Variants in HELB observed in about 807,000 individuals in gnomAD.
The protein encoded by HELB is DNA helicase B.
Under a neutral mutation model 101.7 loss-of-function variants are expected in HELB, and 96 were observed. That is an observed-to-expected ratio of 0.94 (90% CI 0.80 to 1.12). The LOEUF is 1.12. Ranked by LOEUF, HELB falls within the 50% of genes most tolerant of loss-of-function variation. The pLI, the probability that HELB is intolerant of heterozygous loss-of-function variation, is 0.00. For synonymous variants in HELB, 437 were observed against 459.7 expected (o/e 0.95, Z 0.63); for missense variants, 1,210 against 1,291.9 (o/e 0.94, Z 0.97).
rs759087871 is a variant in HELB, at chr12:66,302,577, G to A, written c.-27G>A. Reference sequence around the variant, plus strand: ...ATGCAGTTAGCCAGGGTTTTCCCGAGTTGTTTGGGTTGAGTTCAGGAGAAG... The same window carrying A: ...ATGCAGTTAGCCAGGGTTTTCCCGAATTGTTTGGGTTGAGTTCAGGAGAAG... On this transcript the variant is annotated 5_prime_UTR_variant, in exon 1 of 13. Coordinates refer to ENST00000247815, the MANE Select transcript of HELB (RefSeq NM_001370285.1). The A allele has an allele frequency of 6.2e-7, 1 of 1,603,364 alleles. No homozygotes were observed.
In HELB at chr12:66,321,957, C is replaced by T. The variant is rs1471790195; in HGVS notation, c.2165C>T (p.Ser722Phe). 3.6e-6 allele frequency: 4 copies of T among 1,113,396 alleles called. No individual in the cohort carries two copies. The African/African-American group carries it at 6.2e-5, about 17-fold the overall frequency. 69.0% of individuals were successfully genotyped at this position (1,113,396 alleles called of 1,614,324 possible). A position where few individuals can be genotyped will look rare whatever the true frequency, so the allele number is the denominator to read the frequency against. ...SKTNHHSCLY[S>F]AVKTLLQENN... Reference sequence around the variant, plus strand: ...TCTCTTGAATTATTAGGTTTATATTCTGCAGTTAAAACTTTACTACAAGAA... The same window carrying T: ...TCTCTTGAATTATTAGGTTTATATTTTGCAGTTAAAACTTTACTACAAGAA... The change falls in exon 8 of 13, where the codon TCT becomes TTT. Residue 722 changes from serine to phenylalanine, a missense_variant. Ser to Phe is a radical substitution (Grantham distance 155, BLOSUM62 -2). Coordinates refer to ENST00000247815, the MANE Select transcript of HELB (RefSeq NM_001370285.1).
At chr12:66,334,446 A>C (rs1403714913) in intron 12 of HELB, among the ~76,000 whole-genome samples, 1 of 146,802 alleles carries the variant, frequency 6.8e-6, no homozygotes, top group African/African-American at 2.5e-5. Flanking sequence ...TGGGTGACAG[A>C]CCAAAACCCT....
In HELB at chr12:66,309,952, G is replaced by T; in HGVS notation, c.1024G>T (p.Gly342Cys). Residue 342 changes from glycine to cysteine, a missense_variant, in exon 4 of 13, where the codon GGT (glycine) becomes TGT (cysteine). By Grantham distance (159) the Gly-to-Cys change is radical (BLOSUM62 -3). This residue lies in a region of HELB where 470 missense variants were observed against 563.1 expected (regional missense o/e 0.83). Transcript: ENST00000247815. ...GTCTCTGAAGTTTTTGAAGGATATT[G>T]GTGTGGTGACATATGAGAAGTCCTG... ...SESLKFLKDI[G>C]VVTYEKSCVF... 1 of 1,614,168 alleles carries T rather than the reference G, an allele frequency of 6.2e-7. No individual in the cohort carries two copies. The highest frequency in any genetic ancestry group is 8.5e-7 in the Non-Finnish European group (1 of 1,180,020).
Position 66,331,561 on chromosome 12 carries a change from T to G in HELB, c.3078T>G (p.Asp1026Glu). 1 of 1,613,926 alleles carries G rather than the reference T, an allele frequency of 6.2e-7. No individual in the cohort carries two copies. The highest frequency in any genetic ancestry group is 8.5e-7 in the Non-Finnish European group (1 of 1,180,032). ...AATTATCTTCACCTGATGGAGTAGATACAGATGATGATTTACCAAAATCGC... is the reference window on the plus strand; with the variant it reads ...AATTATCTTCACCTGATGGAGTAGAGACAGATGATGATTTACCAAAATCGC... ...RWQLSSPDGVDTDDDLPKSRA... is the reference protein window; with the variant it reads ...RWQLSSPDGVETDDDLPKSRA... The change falls in exon 12 of 13, where the codon GAT becomes GAG. Residue 1026 changes from aspartate (D) to glutamate (E), a missense_variant. Around this residue, in one of 2 missense-constraint regions of HELB, gnomAD observed 740 missense variants for 728.8 expected, o/e 1.02. Transcript: ENST00000247815.
chr12:66,323,979 C>T lies in HELB; in HGVS notation c.2298-4C>T, dbSNP rs770228421. The stretch of plus-strand genomic sequence containing the variant: ...TGATTATATATTATCATTTTCTATC[C>T]CAGAGACCATCAGAGTAGACTTGTT... On this transcript the variant is annotated splice_polypyrimidine_tract_variant and splice_region_variant and intron_variant, in intron 9 of 12. Coordinates refer to ENST00000247815, the MANE Select transcript of HELB (RefSeq NM_001370285.1). 2.1e-5 allele frequency: 34 copies of T among 1,589,264 alleles called. No homozygotes were observed. In the East Asian group the frequency reaches 7.4e-4, roughly 35 times the overall value.
chr12:66,304,804 GAGAGTGAAGGT>G lies in HELB; in HGVS notation c.263_273del (p.Arg88ThrfsTer26). The G allele has an allele frequency of 6.2e-7, 1 of 1,614,102 alleles. No individual in the cohort carries two copies. Among genetic ancestry groups the G allele is most frequent in the Admixed American group, 1.7e-5 (1 of 60,022 alleles). ...GTTTTCCGATAACAGGTGCTTGGTG[GAGAGTGAAGGT>G]ACAAGTAAAGCCTGTGGTGGGATCA... On this transcript the variant is annotated frameshift_variant, in exon 2 of 13. Coordinates refer to ENST00000247815, the MANE Select transcript of HELB (RefSeq NM_001370285.1). LOFTEE classifies it high-confidence loss of function.
At chr12:66,324,256 T>C (rs769719801) in intron 10 of HELB, 45 bp downstream of exon 10, 1 of 1,253,916 alleles carries the variant, frequency 8.0e-7, no homozygotes, top group Non-Finnish European at 1.2e-6. Flanking sequence ...ATTAGAGATA[T>C]GTTTGGTTAT....
downstream of HELB, chr12:66,339,447 A>G (rs984543937): frequency 1.3e-5 from 2 of 151,702 alleles, no homozygotes; most frequent in Non-Finnish European, 2.9e-5. Flanking sequence ...AACCTGGAAC[A>G]TTTTCATACC....
rs374165848 is a variant in HELB, at chr12:66,305,033, G to A, written c.490G>A (p.Glu164Lys). Reference sequence around the variant, plus strand: ...AAACCTAAACTTTGAAAATCTTAGGGAAACACTAAGAACTTTCCACAAGGA... The same window carrying A: ...AAACCTAAACTTTGAAAATCTTAGGAAAACACTAAGAACTTTCCACAAGGA... Reference protein sequence around the residue: ...YKNLNFENLRETLRTFHKETG... With the variant: ...YKNLNFENLRKTLRTFHKETG... The change falls in exon 2 of 13, where the codon GAA (glutamate) becomes AAA (lysine). Residue 164 changes from glutamate (E) to lysine (K), a missense_variant. By Grantham distance (56) the Glu-to-Lys change is moderately conservative (BLOSUM62 1). Transcript: ENST00000247815. 9 of 1,613,520 alleles carry A rather than the reference G, an allele frequency of 5.6e-6. No individual in the cohort carries two copies. The African/African-American group carries it at 9.4e-5, about 17-fold the overall frequency.
At chr12:66,303,326 CT>C (rs1290715608) in intron 1 of HELB, among the ~76,000 whole-genome samples, 2 of 151,950 alleles carry the variant, frequency 1.3e-5, no homozygotes, top group Non-Finnish European at 2.9e-5. Context: ...TCTTCCTCAG[CT>C]TCTTGGAAAA....
At chr12:66,338,280 G>A (rs1157702870), downstream of HELB, 3 of 569,616 alleles carry the variant, frequency 5.3e-6, no homozygotes, top group Non-Finnish European at 9.2e-6. Context: ...ACGTCATCAT[G>A]AGAACTGGTA....
rs776839568 is a variant in HELB, at chr12:66,322,780, C to T, written c.2294C>T (p.Thr765Ile). 1 of 1,601,936 alleles carries T rather than the reference C, an allele frequency of 6.2e-7. No homozygotes were observed. Residue 765 changes from threonine to isoleucine, a missense_variant, in exon 9 of 13, where the codon ACC (threonine) becomes ATC (isoleucine). Coordinates refer to ENST00000247815, the MANE Select transcript of HELB (RefSeq NM_001370285.1). ...TGCAAACACTACACAGGCCACCTCA[C>T]CAAGTGAGTGTCTTCGAGAACTGAA... ...CCCKHYTGHL[T>I]KDHQSRLVFG...
At chr12:66,312,282 A>G (rs1475372168) in intron 4 of HELB, among the ~76,000 whole-genome samples, 1 of 152,120 alleles carries the variant, frequency 6.6e-6, no homozygotes, top group African/African-American at 2.4e-5. Flanking sequence ...TGGTGTCATT[A>G]TTTCCTCATT....
intron 8 of HELB, 59 bp from the exon 9 acceptor site, chr12:66,322,665 C>A: frequency 9.1e-7 from 1 of 1,099,574 alleles, no homozygotes; most frequent in South Asian, 1.5e-5. Context: ...TTGCTGATAA[C>A]AAAAGTAAAC....
At chr12:66,308,092 A>C (rs546159100) in intron 3 of HELB, among the ~76,000 whole-genome samples, 1 of 150,978 alleles carries the variant, frequency 6.6e-6, no homozygotes, top group African/African-American at 2.4e-5. Flanking sequence ...CAGCTACTGT[A>C]TTTTCTGCCT....
In HELB at chr12:66,324,159, A is replaced by G. The variant is rs2053708012; in HGVS notation, c.2474A>G (p.Asp825Gly). ...TLPDFAKNKR[D>G]FESNVRLCNG... Reference sequence around the variant, plus strand: ...CCTGATTTTGCTAAAAATAAGCGTGACTTTGAAAGTAACGTTCGACTGTGC... The same window carrying G: ...CCTGATTTTGCTAAAAATAAGCGTGGCTTTGAAAGTAACGTTCGACTGTGC... Residue 825 changes from aspartate to glycine, a missense_variant, in exon 10 of 13, where the codon GAC becomes GGC. Coordinates refer to ENST00000247815, the MANE Select transcript of HELB (RefSeq NM_001370285.1). The G allele has an allele frequency of 6.2e-7, 1 of 1,613,828 alleles. No homozygotes were observed. The highest frequency in any genetic ancestry group is 1.7e-5 in the Admixed American group (1 of 60,010).
intron 11 of HELB, among the ~76,000 whole-genome samples, chr12:66,329,781 T>A (rs1227848704): frequency 6.6e-6 from 1 of 152,212 alleles, no homozygotes; most frequent in Non-Finnish European, 1.5e-5. Flanking sequence ...TTTTTCTCAG[T>A]GTTGCTTAAT....
In HELB at chr12:66,302,527, T is replaced by C; in HGVS notation, c.-77T>C. The stretch of plus-strand genomic sequence containing the variant: ...CCGGAAGTTGATGGCCTTACAGTCG[T>C]AGAACTGATTGGCTGATCATGACCA... On this transcript the variant is annotated 5_prime_UTR_variant, in exon 1 of 13. An upstream open reading frame in the 5' UTR loses its in-frame stop. Transcript: ENST00000247815. The C allele has an allele frequency of 1.4e-6, 2 of 1,421,846 alleles. No individual in the cohort carries two copies. The allele number at this position is 1,421,846 out of a possible 1,614,324, so 88.1% of individuals were successfully genotyped here. A position where few individuals can be genotyped will look rare whatever the true frequency, so the allele number is the denominator to read the frequency against.
At chr12:66,316,416 A>G (rs756836561) in intron 6 of HELB, among the ~76,000 whole-genome samples, 20 of 152,134 alleles carry the variant, frequency 1.3e-4, no homozygotes, top group Non-Finnish European at 2.8e-4. Context: ...TCTTTTTTAC[A>G]AAATGTTTTG....
Sources: gnomAD v4.1 joint callset for allele counts (sites outside exome capture counted in the v4.1 genomes callset) on GRCh38, gnomAD v4.1.1 for gene constraint, gnomAD v4.1.1 regional missense constraint, MANE v1.5 for transcripts, NCBI Gene and HGNC (gene_info 2026-07-23, HGNC 2026-07-21) for gene names.